Variants in RGL1 observed in about 807,000 individuals in gnomAD.
RGL1 encodes the protein ral guanine nucleotide dissociation stimulator-like 1.
RGL1 carries 24 observed loss-of-function variants against 95.2 expected under a neutral mutation model. The observed-to-expected ratio is 0.25, with a 90% CI of 0.18 to 0.35. The LOEUF (loss-of-function observed/expected upper bound fraction) is 0.35. Ranked by LOEUF, RGL1 falls within the 10% of genes least tolerant of loss-of-function variation. The pLI is 1.00. For missense variants in RGL1, 715 were observed against 936.3 expected (o/e 0.76, Z 3.08); for synonymous variants, 329 against 344.9 (o/e 0.95, Z 0.51).
chr1:183,675,775 A>G (rs1299688464), intron 1 of RGL1, among the ~76,000 whole-genome samples: 1 of 152,192 alleles, frequency 6.6e-6, no homozygotes, highest in African/African-American at 2.4e-5. Flanking sequence ...GGGGACCATA[A>G]AGAGCAGTAT....
At chr1:183,779,649 A>C (rs1572402506) in intron 2 of RGL1, among the ~76,000 whole-genome samples, 2 of 152,320 alleles carry the variant, frequency 1.3e-5, no homozygotes, top group East Asian at 3.9e-4. Context: ...TGTGTGAGGT[A>C]GCCCCCACAG....
chr1:183,870,350 G>A (rs1666102121), intron 4 of RGL1, among the ~76,000 whole-genome samples: 2 of 136,616 alleles, frequency 1.5e-5, no homozygotes, highest in African/African-American at 2.7e-5. Flanking sequence ...GGTGTCTTCC[G>A]GCCAGGGTAG....
chr1:183,894,917 A>G (rs1179156032), intron 9 of RGL1, among the ~76,000 whole-genome samples: 2 of 152,166 alleles, frequency 1.3e-5, no homozygotes, highest in Non-Finnish European at 2.9e-5. Context: ...ACTATCTTAA[A>G]CCTGCTATGT....
intron 4 of RGL1, among the ~76,000 whole-genome samples, chr1:183,870,653 A>C (rs573428807): frequency 6.6e-6 from 1 of 152,160 alleles, no homozygotes; most frequent in Non-Finnish European, 1.5e-5. Context: ...TTCAGCATGC[A>C]CAAAGTAACT....
At chr1:183,918,494 C>T (rs144715270) in intron 16 of RGL1, among the ~76,000 whole-genome samples, 490 of 152,320 alleles carry the variant, frequency 3.2e-3, no homozygotes, top group African/African-American at 0.011. Flanking sequence ...TGAATTATAG[C>T]ATGGATTTGT....
rs115167376 is a variant in RGL1 at position 183,699,113 on chromosome 1, C to T, written c.-32-43013C>T. On this transcript the variant is annotated intron_variant, in intron 1 of 18. Transcript: ENST00000304685. The stretch of plus-strand genomic sequence containing the variant: ...TGAGCTGTGATATCTGACAATGGTA[C>T]CAATATTTCAGAGGCAGGGAAGCCT... Among the ~76,000 whole-genome samples, 1,290 of 152,298 alleles carry T rather than the reference C, an allele frequency of 8.5e-3. 22 individuals are homozygous for T. The highest frequency in any genetic ancestry group is 0.029 in the African/African-American group (1,197 of 41,562).
At chr1:183,912,354 G>C in intron 15 of RGL1, 86 bp downstream of exon 15, 1 of 1,111,370 alleles carries the variant, frequency 9.0e-7, no homozygotes, top group Admixed American at 2.3e-5. Context: ...CTGTTTTTAA[G>C]TGGATCACTC....
chr1:183,813,062 G>A (rs575811707), intron 2 of RGL1, among the ~76,000 whole-genome samples: 8 of 152,168 alleles, frequency 5.3e-5, no homozygotes, highest in Non-Finnish European at 1.0e-4. Flanking sequence ...GAGATGCATC[G>A]GAAGGGAGCC....
At chr1:183,876,860 G>A (rs1666526857) in intron 4 of RGL1, among the ~76,000 whole-genome samples, 1 of 152,342 alleles carries the variant, frequency 6.6e-6, no homozygotes, top group African/African-American at 2.4e-5. Flanking sequence ...ATTCCTGTGA[G>A]TGCTGATGGA....
intron 3 of RGL1, among the ~76,000 whole-genome samples, chr1:183,862,622 A>G (rs1002582311): frequency 6.6e-6 from 1 of 152,214 alleles, no homozygotes; most frequent in African/African-American, 2.4e-5. Context: ...TTATGCTCCT[A>G]AGCCCTTAGA....
intron 2 of RGL1, among the ~76,000 whole-genome samples, chr1:183,760,883 C>A (rs1298314727): frequency 6.6e-6 from 1 of 152,186 alleles, no homozygotes; most frequent in African/African-American, 2.4e-5. Context: ...GGAGTAGATT[C>A]CATCTCATCT....
chr1:183,899,514 A>T (rs1667895307), intron 10 of RGL1, among the ~76,000 whole-genome samples: 1 of 152,222 alleles, frequency 6.6e-6, no homozygotes, highest in Non-Finnish European at 1.5e-5. Context: ...AATATCACAG[A>T]GTAAAGTGCC....
intron 4 of RGL1, among the ~76,000 whole-genome samples, chr1:183,874,226 A>G (rs1200413922): frequency 6.6e-6 from 1 of 152,218 alleles, no homozygotes; most frequent in East Asian, 1.9e-4. Flanking sequence ...TAGGTTAAGG[A>G]ACATGTCCAA....
At chr1:183,646,363 T>C (rs1310962188) in intron 1 of RGL1, 2 of 152,072 alleles carry the variant, frequency 1.3e-5, no homozygotes, top group Non-Finnish European at 2.9e-5. Flanking sequence ...TCCTCCCTTA[T>C]GGAGTATTAA....
chr1:183,904,993 C>T (rs200327430), intron 13 of RGL1, 22 bp downstream of exon 13: 17 of 1,598,980 alleles, frequency 1.1e-5, no homozygotes, highest in South Asian at 3.4e-5. Context: ...TGTCGTTCAT[C>T]GGGGTAGAAC....
At chr1:183,862,354 C>T (rs1665563143) in intron 3 of RGL1, among the ~76,000 whole-genome samples, 1 of 151,786 alleles carries the variant, frequency 6.6e-6, no homozygotes, top group Non-Finnish European at 1.5e-5. Flanking sequence ...AGAGTGAGAC[C>T]CTGTTTCAAT....
rs78484845 is a variant in RGL1, at chr1:183,876,591, T to C, written c.426-4025T>C. The stretch of plus-strand genomic sequence containing the variant: ...TATGTCACAATTGTAATCATCCAGT[T>C]TGGCTTCAGGAATTACTTCTGCCTT... On this transcript the variant is annotated intron_variant, in intron 4 of 17. Coordinates refer to ENST00000360851, the MANE Select transcript of RGL1 (RefSeq NM_001297671.3). 4.1e-3 allele frequency among the ~76,000 whole-genome samples: 621 copies of C among 152,364 alleles called. 5 individuals are homozygous for C. The highest frequency in any genetic ancestry group is 0.014 in the African/African-American group (592 of 41,586).
chr1:183,787,171 C>A (rs1009758557), intron 2 of RGL1, among the ~76,000 whole-genome samples: 2 of 152,160 alleles, frequency 1.3e-5, no homozygotes, highest in Admixed American at 1.3e-4. Context: ...CCCTCCTTCC[C>A]AGTGCCCGGT....
chr1:183,692,411 T>C (rs1246174167), intron 1 of RGL1, among the ~76,000 whole-genome samples: 1 of 152,132 alleles, frequency 6.6e-6, no homozygotes, highest in Non-Finnish European at 1.5e-5. Flanking sequence ...CATCATCAGT[T>C]CTGAAAATGA....
Sources: allele counts gnomAD v4.1 joint callset (sites outside exome capture counted in the v4.1 genomes callset), GRCh38; gene constraint gnomAD v4.1.1; transcripts MANE v1.5; gene names NCBI Gene and HGNC (gene_info 2026-07-23, HGNC 2026-07-21).